Variants in SLC9A9 observed in about 807,000 individuals in gnomAD.
SLC9A9 encodes the protein sodium/hydrogen exchanger 9.
SLC9A9 carries 62 observed loss-of-function variants against 77.8 expected under a neutral mutation model. The observed-to-expected ratio is 0.80, with a 90% CI of 0.65 to 0.98. The LOEUF is 0.98. Ranked by LOEUF, SLC9A9 falls within the 50% of genes least tolerant of loss-of-function variation. The pLI is 0.00. For synonymous variants in SLC9A9, 320 were observed against 283.5 expected, an observed-to-expected ratio of 1.13 and a Z score of -1.29; for missense variants, 775 against 774.9, an observed-to-expected ratio of 1.00 and a Z score of 0.00.
At chr3:143,709,285 AG>A (rs1237219521) in intron 4 of SLC9A9, among the ~76,000 whole-genome samples, 4 of 152,188 alleles carry the variant, frequency 2.6e-5, no homozygotes, top group Non-Finnish European at 4.4e-5. Context: ...AGTTGGACCC[AG>A]GCATCAGTAT....
chr3:143,345,888 GGACA>G (rs62806760), intron 14 of SLC9A9, among the ~76,000 whole-genome samples: 28,782 of 152,016 alleles, frequency 0.19, 2,920 homozygotes, highest in Middle Eastern at 0.27. Flanking sequence ...GGTGGAGAAA[GGACA>G]GACATTAGTG....
chr3:143,471,383 A>G (rs1486211474), intron 11 of SLC9A9, among the ~76,000 whole-genome samples: 1 of 152,186 alleles, frequency 6.6e-6, no homozygotes, highest in African/African-American at 2.4e-5. Flanking sequence ...ATTACCTCCT[A>G]TGTGGAGGCT....
intron 13 of SLC9A9, among the ~76,000 whole-genome samples, chr3:143,369,420 T>C (rs1239133135): frequency 2.0e-5 from 3 of 152,172 alleles, no homozygotes; most frequent in Non-Finnish European, 2.9e-5. Flanking sequence ...TAAGTTCTAG[T>C]GTTCTGTAGC....
At chr3:143,501,464 G>A (rs2035922230) in intron 9 of SLC9A9, among the ~76,000 whole-genome samples, 1 of 150,726 alleles carries the variant, frequency 6.6e-6, no homozygotes, top group Non-Finnish European at 1.5e-5. Context: ...TTCCTGACAT[G>A]AGTTGTCCTC....
At chr3:143,282,407 C>T (rs1328360157) in intron 14 of SLC9A9, among the ~76,000 whole-genome samples, 1 of 152,356 alleles carries the variant, frequency 6.6e-6, no homozygotes, top group South Asian at 2.1e-4. Context: ...AAATGTCCTT[C>T]TTCACTTTGT....
chr3:143,607,127 T>A (rs147072314), intron 6 of SLC9A9, among the ~76,000 whole-genome samples: 158 of 152,048 alleles, frequency 1.0e-3, no homozygotes, highest in African/African-American at 3.7e-3. Flanking sequence ...TTACCTAATA[T>A]CAACAAAGTT....
At chr3:143,841,221 C>T (rs1297077430) in intron 1 of SLC9A9, among the ~76,000 whole-genome samples, 1 of 152,070 alleles carries the variant, frequency 6.6e-6, no homozygotes, top group Non-Finnish European at 1.5e-5. Context: ...CACACACACA[C>T]AAACACACCT....
chr3:143,454,531 G>A (rs2035055862), intron 12 of SLC9A9, among the ~76,000 whole-genome samples: 1 of 151,894 alleles, frequency 6.6e-6, no homozygotes, highest in Non-Finnish European at 1.5e-5. Flanking sequence ...TTCATTTTTT[G>A]GCCTACGGAT....
At chr3:143,451,745 G>T (rs1388091831) in intron 12 of SLC9A9, among the ~76,000 whole-genome samples, 1 of 152,074 alleles carries the variant, frequency 6.6e-6, no homozygotes, top group African/African-American at 2.4e-5. Flanking sequence ...GAGAATGAAA[G>T]AAGCGTATGA....
At chr3:143,308,525 G>A (rs926990539) in intron 14 of SLC9A9, among the ~76,000 whole-genome samples, 37 of 151,452 alleles carry the variant, frequency 2.4e-4, no homozygotes, top group African/African-American at 8.0e-4. Context: ...GCAGTGAGCC[G>A]AGATCGCACC....
intron 9 of SLC9A9, among the ~76,000 whole-genome samples, chr3:143,534,229 C>A (rs1489727482): frequency 1.3e-5 from 2 of 152,142 alleles, no homozygotes; most frequent in African/African-American, 2.4e-5. Context: ...TGCTTTGGTG[C>A]TTTTTGAAAT....
chr3:143,684,006 CAT>C (rs1933184998), intron 5 of SLC9A9, among the ~76,000 whole-genome samples: 1 of 152,096 alleles, frequency 6.6e-6, no homozygotes, highest in South Asian at 2.1e-4. Context: ...AAAAATAAGA[CAT>C]ATTATCTTAT....
At position 143,626,188 on chromosome 3, in the gene SLC9A9, C is replaced by T. The variant is rs540254833; in HGVS notation, c.755+26067G>A. ...TGGTGGGACTGTAAACTAGTTCAAC[C>T]ATTGTGGAAGTCAGTGTGGCGATTC... On this transcript the variant is annotated intron_variant, in intron 6 of 15. Coordinates refer to ENST00000316549, the MANE Select transcript of SLC9A9 (RefSeq NM_173653.4). Among the ~76,000 whole-genome samples the T allele has an allele frequency of 2.0e-5, 3 of 152,318 alleles. No homozygotes were observed. In the East Asian group the frequency reaches 5.8e-4, roughly 29 times the overall value.
chr3:143,478,705 C>G (rs73867663), intron 11 of SLC9A9, among the ~76,000 whole-genome samples: 1,778 of 152,302 alleles, frequency 0.012, 33 homozygotes, highest in African/African-American at 0.041. Context: ...TTCTTTTGAA[C>G]TCTATCCACA....
Position 143,837,745 on chromosome 3 carries a change from C to T in SLC9A9, c.176-5524G>A, listed in dbSNP as rs569606935. Among the ~76,000 whole-genome samples the T allele has an allele frequency of 2.6e-5, 4 of 152,222 alleles. No homozygotes were observed. In the East Asian group the frequency reaches 7.7e-4, roughly 29 times the overall value. ...AACCGGTTTGGAATGGGTATGTGAC[C>T]CTATTCCTGTCAATAAGAAGTGAAG... On this transcript the variant is annotated intron_variant, in intron 1 of 15. Coordinates refer to ENST00000316549, the MANE Select transcript of SLC9A9 (RefSeq NM_173653.4).
chr3:143,413,646 C>A (rs2034138585), intron 12 of SLC9A9, among the ~76,000 whole-genome samples: 1 of 152,226 alleles, frequency 6.6e-6, no homozygotes, highest in Admixed American at 6.5e-5. Flanking sequence ...GCTGTCAGCT[C>A]TGTCCTTGAC....
At chr3:143,274,548 G>A (rs73868704) in intron 14 of SLC9A9, among the ~76,000 whole-genome samples, 4,189 of 152,146 alleles carry the variant, frequency 0.028, 78 homozygotes, top group Middle Eastern at 0.061. Flanking sequence ...CTCCCACTAC[G>A]GCTAATTTCA....
chr3:143,601,477 C>T (rs780769759), intron 6 of SLC9A9, among the ~76,000 whole-genome samples: 1 of 152,158 alleles, frequency 6.6e-6, no homozygotes, highest in Admixed American at 6.5e-5. Flanking sequence ...AATGACTTGG[C>T]GAAATCCATT....
intron 6 of SLC9A9, among the ~76,000 whole-genome samples, chr3:143,581,463 C>G (rs886911891): frequency 6.6e-6 from 1 of 151,938 alleles, no homozygotes; most frequent in Non-Finnish European, 1.5e-5. Context: ...TCTCCTTATC[C>G]CTTTCTCTCT....
Sources: allele counts gnomAD v4.1 joint callset (sites outside exome capture counted in the v4.1 genomes callset), GRCh38; gene constraint gnomAD v4.1.1; transcripts MANE v1.5; gene names NCBI Gene and HGNC (gene_info 2026-07-23, HGNC 2026-07-21).